RAB22A: variants seen among roughly 807,000 people sequenced by gnomAD.
The protein encoded by RAB22A is RAB22A, member RAS oncogene family, also known as ras-related protein Rab-22A.
In RAB22A, 13 loss-of-function variants were observed where a neutral mutation model predicts 30.2. The ratio of observed to expected loss-of-function variants is 0.43; its 90% CI spans 0.28 to 0.68. The LOEUF (loss-of-function observed/expected upper bound fraction) is 0.68, where lower values mean the gene tolerates loss of function less well. RAB22A is among the 30% of genes least tolerant of loss of function. The probability of loss-of-function intolerance (pLI) is 0.18; values close to 1 mark genes in which losing one functional copy is unlikely to be tolerated. For missense variants in RAB22A, 177 were observed against 246.8 expected (o/e 0.72, Z 1.89); for synonymous variants, 89 against 87.2 (o/e 1.02, Z -0.11).
chr20:58,323,274 A>C (rs750027913), intron 2 of RAB22A, among the ~76,000 whole-genome samples: 3 of 151,762 alleles, frequency 2.0e-5, no homozygotes, highest in Non-Finnish European at 4.4e-5. Flanking sequence ...TTTTCTTTTT[A>C]TTTGTTGATT....
rs1302576416 is a variant in RAB22A at position 58,362,998 on chromosome 20, ATTT to A, written c.*3296_*3298del. The A allele has an allele frequency of 2.0e-5, 3 of 152,170 alleles. No individual in the cohort carries two copies. The highest frequency in any genetic ancestry group is 4.4e-5 in the Non-Finnish European group (3 of 68,022). 9.4% of individuals were successfully genotyped at this position (152,170 alleles called of 1,614,324 possible). On this transcript the variant is annotated 3_prime_UTR_variant, in exon 7 of 7. Coordinates refer to ENST00000244040, the MANE Select transcript of RAB22A (RefSeq NM_020673.3). Reference sequence around the variant, plus strand: ...GAACTTCTCTTTACGTCTTGTATGTATTTCTTTTCTGTTCTCAAGGAGGAAAAT... The same window carrying A: ...GAACTTCTCTTTACGTCTTGTATGTACTTTTCTGTTCTCAAGGAGGAAAAT...
At position 58,353,521 on chromosome 20, in the gene RAB22A, T is replaced by C; in HGVS notation, c.360T>C (p.Cys120=). 1 of 1,604,020 alleles carries C rather than the reference T, an allele frequency of 6.2e-7. No homozygotes were observed. The highest frequency in any genetic ancestry group is 8.5e-7 in the Non-Finnish European group (1 of 1,170,828). ...TAGTTGCCATTGCAGGAAATAAATG[T>C]GATCTTATCGATGTAAGGTAAGTTA... ...NIVVAIAGNK[C]DLIDVREVME... The change falls in exon 5 of 7, where the codon TGT becomes TGC. Residue 120 remains cysteine (C), a synonymous_variant. Coordinates refer to ENST00000244040, the MANE Select transcript of RAB22A (RefSeq NM_020673.3).
intron 2 of RAB22A, among the ~76,000 whole-genome samples, chr20:58,324,828 C>G (rs575000036): frequency 8.8e-5 from 12 of 136,152 alleles, no homozygotes; most frequent in African/African-American, 3.1e-4. Context: ...GATCGCACCA[C>G]TGCTCTCCAG....
At chr20:58,359,546 A>C in intron 6 of RAB22A, 60 bp from the exon 7 acceptor site, 2 of 1,296,656 alleles carry the variant, frequency 1.5e-6, no homozygotes, top group Non-Finnish European at 2.1e-6. Context: ...TGCATCTGCA[A>C]AATTGTTGTG....
chr20:58,345,774 A>G (rs1028978619), intron 3 of RAB22A: 2 of 152,284 alleles, frequency 1.3e-5, no homozygotes, highest in Non-Finnish European at 2.9e-5. Flanking sequence ...TATCCTGGGC[A>G]GTGCATTGAA....
intron 2 of RAB22A, among the ~76,000 whole-genome samples, chr20:58,324,390 C>T (rs908446987): frequency 2.0e-4 from 30 of 152,004 alleles, no homozygotes; most frequent in Admixed American, 6.5e-4. Context: ...ACGGAGACCC[C>T]GTTTTCATTT....
chr20:58,317,462 C>T (rs547672645), intron 2 of RAB22A, among the ~76,000 whole-genome samples: 170 of 151,994 alleles, frequency 1.1e-3, no homozygotes, highest in African/African-American at 3.9e-3. Context: ...ATAGGACCAG[C>T]TCCATATTGT....
At chr20:58,357,539 G>T (rs1827947842) in intron 6 of RAB22A, among the ~76,000 whole-genome samples, 1 of 152,042 alleles carries the variant, frequency 6.6e-6, no homozygotes, top group African/African-American at 2.4e-5. Flanking sequence ...ATCATTACCT[G>T]TTCCCAGCTC....
At chr20:58,331,868 G>A (rs1485137020) in intron 2 of RAB22A, among the ~76,000 whole-genome samples, 2 of 152,100 alleles carry the variant, frequency 1.3e-5, no homozygotes, top group Admixed American at 1.3e-4. Context: ...TCCAGGTGAC[G>A]GGTATTTAAA....
At position 58,359,461 on chromosome 20, in the gene RAB22A, T is replaced by C. The variant is rs575627229; in HGVS notation, c.488-145T>C. 24 of 540,542 alleles carry C rather than the reference T, an allele frequency of 4.4e-5. No homozygotes were observed. The African/African-American group carries it at 4.5e-4, about 10-fold the overall frequency. 33.5% of individuals were successfully genotyped at this position (540,542 alleles called of 1,614,324 possible). On this transcript the variant is annotated intron_variant, in intron 6 of 6. Coordinates refer to ENST00000244040, the MANE Select transcript of RAB22A (RefSeq NM_020673.3). ...ATCATCTTTGCAGCTTTTCTATAAATCTAAAATTATTCGAGTATAAAAAGT... is the reference window on the plus strand; with the variant it reads ...ATCATCTTTGCAGCTTTTCTATAAACCTAAAATTATTCGAGTATAAAAAGT...
chr20:58,319,137 A>G (rs1364513623), intron 2 of RAB22A, among the ~76,000 whole-genome samples: 1 of 152,144 alleles, frequency 6.6e-6, no homozygotes, highest in Non-Finnish European at 1.5e-5. Context: ...GATTAGACTG[A>G]CATATGGAAA....
At chr20:58,310,559 C>G (rs1986204314) in intron 1 of RAB22A, among the ~76,000 whole-genome samples, 1 of 152,204 alleles carries the variant, frequency 6.6e-6, no homozygotes, top group East Asian at 1.9e-4. Flanking sequence ...GCTTCAGCTT[C>G]CTGTCTTGTC....
At chr20:58,335,515 A>G (rs1476575475) in intron 2 of RAB22A, among the ~76,000 whole-genome samples, 2 of 152,214 alleles carry the variant, frequency 1.3e-5, no homozygotes, top group African/African-American at 4.8e-5. Flanking sequence ...AATCAAAGGT[A>G]TGTAGTATGT....
chr20:58,348,204 G>A (rs1051473178), intron 3 of RAB22A, among the ~76,000 whole-genome samples: 1 of 152,050 alleles, frequency 6.6e-6, no homozygotes, highest in Non-Finnish European at 1.5e-5. Context: ...TCCAGCCTGG[G>A]CCATGGAGTG....
chr20:58,334,200 T>C (rs903492558), intron 2 of RAB22A, among the ~76,000 whole-genome samples: 1 of 152,000 alleles, frequency 6.6e-6, no homozygotes, highest in Non-Finnish European at 1.5e-5. Context: ...CTGGGTGTGG[T>C]GGCGGGTGCC....
chr20:58,310,262 G>A lies in RAB22A; in HGVS notation c.36+250G>A, dbSNP rs184591040. Among the ~76,000 whole-genome samples the A allele has an allele frequency of 2.3e-3, 342 of 151,986 alleles. 1 individual carries two copies. Among genetic ancestry groups the A allele is most frequent in the African/African-American group, 7.7e-3 (321 of 41,440 alleles). ...GTGGACTCTTCCCGCCCCACAAAGA[G>A]CAAACAGCCCCCCCTTGCCTCTCTA... On this transcript the variant is annotated intron_variant, in intron 1 of 6. Transcript: ENST00000244040.
intron 2 of RAB22A, among the ~76,000 whole-genome samples, chr20:58,335,512 G>T (rs766998158): frequency 2.6e-5 from 4 of 152,098 alleles, no homozygotes; most frequent in Non-Finnish European, 5.9e-5. Flanking sequence ...AAAAATCAAA[G>T]GTATGTAGTA....
chr20:58,322,950 G>C (rs1310688815), intron 2 of RAB22A, among the ~76,000 whole-genome samples: 2 of 152,034 alleles, frequency 1.3e-5, no homozygotes, highest in Non-Finnish European at 2.9e-5. Context: ...TTCTTGACCT[G>C]TTTCAATATA....
intron 2 of RAB22A, among the ~76,000 whole-genome samples, chr20:58,336,635 C>T (rs574005851): frequency 6.6e-6 from 1 of 152,110 alleles, no homozygotes; most frequent in Non-Finnish European, 1.5e-5. Context: ...TTGAAATATT[C>T]AGTAGTAATT....
Sources: gnomAD v4.1 joint callset for allele counts (sites outside exome capture counted in the v4.1 genomes callset) on GRCh38, gnomAD v4.1.1 for gene constraint, MANE v1.5 for transcripts, NCBI Gene and HGNC (gene_info 2026-07-23, HGNC 2026-07-21) for gene names.